The following E2F3 variants were observed in gnomAD, a reference collection of about 807,000 sequenced individuals.
E2F3 encodes the protein E2F transcription factor 3.
Under a neutral mutation model 44.4 loss-of-function variants are expected in E2F3, and 11 were observed. The observed-to-expected ratio is 0.25, with a 90% CI of 0.16 to 0.41. E2F3 has a LOEUF of 0.41. Among genes scored for constraint, E2F3 ranks in the 10% least tolerant of loss-of-function variants. The pLI is 1.00. For missense variants in E2F3, 487 were observed against 583.6 expected (o/e 0.83, Z 1.70); for synonymous variants, 249 against 253.0 (o/e 0.98, Z 0.15).
chr6:20,460,290 CAG>C (rs1212835862), intron 1 of E2F3, among the ~76,000 whole-genome samples: 1 of 152,210 alleles, frequency 6.6e-6, no homozygotes, highest in African/African-American at 2.4e-5. Flanking sequence ...CACATTCTAT[CAG>C]AAGTATATAG....
intron 1 of E2F3, chr6:20,445,126 T>C (rs542261079): frequency 3.0e-4 from 294 of 985,428 alleles, no homozygotes; most frequent in Middle Eastern, 5.2e-4. Flanking sequence ...GAGTTGGTCT[T>C]TTTGTGTAAG....
chr6:20,484,285 A>C (rs1235461257), intron 4 of E2F3, among the ~76,000 whole-genome samples: 1 of 152,240 alleles, frequency 6.6e-6, no homozygotes, highest in Non-Finnish European at 1.5e-5. Context: ...AGTTTGTAAG[A>C]TTAGAAAATA....
chr6:20,479,818 G>A, intron 1 of E2F3, 28 bp from the exon 2 acceptor site: 2 of 1,586,066 alleles, frequency 1.3e-6, no homozygotes, highest in Non-Finnish European at 1.7e-6. Flanking sequence ...TATGACCGGT[G>A]ACGAGAGATC....
At chr6:20,426,614 C>T (rs956742327) in intron 1 of E2F3, among the ~76,000 whole-genome samples, 4 of 152,216 alleles carry the variant, frequency 2.6e-5, no homozygotes, top group African/African-American at 9.6e-5. Context: ...ATTGTGGGAT[C>T]GTGGCCACAC....
In E2F3 at chr6:20,481,196, T is replaced by C; in HGVS notation, c.506-10T>C. On this transcript the variant is annotated splice_polypyrimidine_tract_variant and intron_variant, in intron 2 of 6. Transcript: ENST00000346618. ...ATCCCCCACCCGCTCGGTTTTTGTT[T>C]TTCTTTAAGCTCCAAAATCTCCCTC... The C allele has an allele frequency of 6.2e-7, 1 of 1,613,134 alleles. No individual in the cohort carries two copies. Among genetic ancestry groups the C allele is most frequent in the Admixed American group, 1.7e-5 (1 of 59,962 alleles).
chr6:20,423,663 G>T (rs1417643353), intron 1 of E2F3, among the ~76,000 whole-genome samples: 1 of 152,018 alleles, frequency 6.6e-6, no homozygotes, highest in Non-Finnish European at 1.5e-5. Flanking sequence ...TAGAGACAGG[G>T]TTTTGCCATG....
rs751472455 is a variant in E2F3 at position 20,402,515 on chromosome 6, G to T, written c.283G>T (p.Ala95Ser). ...LPSAPGAEQT[A>S]GSLLYTTPHG... is the part of the protein sequence containing the mutation. ...CAGTGCCCCCGGCGCGGAGCAGACCGCCGGCAGCCTCCTCTACACCACGCC... is the reference window on the plus strand; with the variant it reads ...CAGTGCCCCCGGCGCGGAGCAGACCTCCGGCAGCCTCCTCTACACCACGCC... The change falls in exon 1 of 7, where the codon GCC becomes TCC. Residue 95 changes from alanine (A) to serine (S), a missense_variant. Coordinates refer to ENST00000346618, the MANE Select transcript of E2F3 (RefSeq NM_001949.5). The surrounding 1 kb of genome is among the most constrained non-coding windows in gnomAD (Gnocchi z 5.6). 8 of 1,601,790 alleles carry T rather than the reference G, an allele frequency of 5.0e-6. No homozygotes were observed. The highest frequency in any genetic ancestry group is 6.8e-6 in the Non-Finnish European group (8 of 1,178,666).
In E2F3 at chr6:20,492,774, G is replaced by A. The variant is rs149773947; in HGVS notation, c.*2344G>A. The A allele has an allele frequency of 9.4e-3, 2,170 of 229,754 alleles. 40 individuals are homozygous for A. Among genetic ancestry groups the A allele is most frequent in the African/African-American group, 0.044 (1,972 of 45,178 alleles). The allele number at this position is 229,754 out of a possible 1,614,324, so 14.2% of individuals were successfully genotyped here. A position where few individuals can be genotyped will look rare whatever the true frequency, so the allele number is the denominator to read the frequency against. On this transcript the variant is annotated 3_prime_UTR_variant, in exon 7 of 7. Coordinates refer to ENST00000346618, the MANE Select transcript of E2F3 (RefSeq NM_001949.5). ...TTTCCAGTTACTGGGTTTAACTGGTGTACATTAATTAGATGTCCATACTGT... is the reference window on the plus strand; with the variant it reads ...TTTCCAGTTACTGGGTTTAACTGGTATACATTAATTAGATGTCCATACTGT...
chr6:20,427,262 A>C (rs1167541320), intron 1 of E2F3, among the ~76,000 whole-genome samples: 1 of 152,198 alleles, frequency 6.6e-6, no homozygotes, highest in Non-Finnish European at 1.5e-5. Flanking sequence ...TTCTTACCCT[A>C]ATGAGGCTTT....
chr6:20,408,992 T>G (rs181396487), intron 1 of E2F3, among the ~76,000 whole-genome samples: 1 of 152,340 alleles, frequency 6.6e-6, no homozygotes, highest in East Asian at 1.9e-4. Flanking sequence ...CCCTTCATGT[T>G]GCAGGTGAGG....
chr6:20,456,415 T>C (rs902781495), intron 1 of E2F3, among the ~76,000 whole-genome samples: 10 of 152,236 alleles, frequency 6.6e-5, no homozygotes, highest in African/African-American at 2.2e-4. Context: ...TAGTTTCTTA[T>C]TTTATTCACC....
At chr6:20,435,741 C>T (rs1356866234) in intron 1 of E2F3, among the ~76,000 whole-genome samples, 1 of 152,036 alleles carries the variant, frequency 6.6e-6, no homozygotes, top group Admixed American at 6.5e-5. Context: ...CAGAGGGAGA[C>T]TCCGTCTCAA....
rs1271358532 is a variant in E2F3 at position 20,401,940 on chromosome 6, T to TGCC, written c.-283_-281dup. On this transcript the variant is annotated 5_prime_UTR_variant, in exon 1 of 7. Transcript: ENST00000346618. ...CAGCTGCCGGCCGCAGCACCCGGGC[T>TGCC]GCCGCCGCCGCCTCGCAATCCGTTG... is the stretch of plus-strand genomic sequence containing the variant. 12 of 408,814 alleles carry TGCC rather than the reference T, an allele frequency of 2.9e-5. No homozygotes were observed. Among genetic ancestry groups the TGCC allele is most frequent in the African/African-American group, 2.5e-4 (12 of 48,254 alleles). 25.3% of individuals were successfully genotyped at this position (408,814 alleles called of 1,614,324 possible).
chr6:20,403,913 G>T, intron 1 of E2F3: 1 of 877,050 alleles, frequency 1.1e-6, no homozygotes. Context: ...GTGAGGGTAG[G>T]CGGTTGAGCG....
intron 1 of E2F3, among the ~76,000 whole-genome samples, chr6:20,475,688 G>A (rs1285182237): frequency 6.6e-6 from 1 of 152,150 alleles, no homozygotes; most frequent in Non-Finnish European, 1.5e-5. Flanking sequence ...TTTTAGTAGA[G>A]TTAGGGTTTC....
At chr6:20,489,764 C>T (rs940770974) in intron 6 of E2F3, among the ~76,000 whole-genome samples, 31 of 152,188 alleles carry the variant, frequency 2.0e-4, no homozygotes, top group South Asian at 4.1e-4. Context: ...CACTTGAGCC[C>T]AGGAGTTCGA....
chr6:20,440,292 T>A (rs1196790506), intron 1 of E2F3: 1 of 152,108 alleles, frequency 6.6e-6, no homozygotes, highest in Non-Finnish European at 1.5e-5. Context: ...TCCAAAAAAA[T>A]TAAAATAATT....
Position 20,477,934 on chromosome 6 carries a change from G to A in E2F3, c.394-1912G>A, listed in dbSNP as rs149236032. ...TGGCCGGGTGCAGTGGCTCACGGCT[G>A]TAATCCCAGCACTTTGGGAGGATGA... On this transcript the variant is annotated intron_variant, in intron 1 of 6. Coordinates refer to ENST00000346618, the MANE Select transcript of E2F3 (RefSeq NM_001949.5). Among the ~76,000 whole-genome samples, 862 of 152,168 alleles carry A rather than the reference G, an allele frequency of 5.7e-3. 4 individuals carry two copies. The highest frequency in any genetic ancestry group is 0.034 in the South Asian group (162 of 4,810).
At chr6:20,418,188 C>T (rs1211563642) in intron 1 of E2F3, among the ~76,000 whole-genome samples, 1 of 152,120 alleles carries the variant, frequency 6.6e-6, no homozygotes, top group Non-Finnish European at 1.5e-5. Context: ...TGGGGACCGA[C>T]GTGTGGGCCT....
Sources: allele counts gnomAD v4.1 joint callset (sites outside exome capture counted in the v4.1 genomes callset), GRCh38; gene constraint gnomAD v4.1.1; non-coding constraint Gnocchi (gnomAD v3.1); transcripts MANE v1.5; gene names NCBI Gene and HGNC (gene_info 2026-07-23, HGNC 2026-07-21).